MYO16: variants seen among roughly 807,000 people sequenced by gnomAD.
The protein encoded by MYO16 is myosin XVI.
Under a neutral mutation model 205.3 loss-of-function variants are expected in MYO16, and 94 were observed. That is an observed-to-expected ratio of 0.46 (90% CI 0.39 to 0.54). The LOEUF is 0.54. Ranked by LOEUF, MYO16 falls within the 20% of genes least tolerant of loss-of-function variation. MYO16 has a pLI of 0.00. For missense variants in MYO16, 2,315 were observed against 2,387.5 expected, an observed-to-expected ratio of 0.97 and a Z score of 0.63; for synonymous variants, 988 against 954.0, an observed-to-expected ratio of 1.04 and a Z score of -0.66.
chr13:109,034,996 G>C (rs1232015381), intron 23 of MYO16, among the ~76,000 whole-genome samples: 2 of 152,168 alleles, frequency 1.3e-5, no homozygotes, highest in African/African-American at 4.8e-5. Context: ...TGGCCCATGA[G>C]TGTTTCTATA....
chr13:108,981,893 A>G (rs959616992), intron 20 of MYO16, among the ~76,000 whole-genome samples: 7 of 152,158 alleles, frequency 4.6e-5, no homozygotes, highest in Admixed American at 4.6e-4. Flanking sequence ...TCTCCATTTT[A>G]TGAGTGATTT....
intron 4 of MYO16, among the ~76,000 whole-genome samples, chr13:108,742,320 A>C (rs1163049575): frequency 6.6e-6 from 1 of 152,126 alleles, no homozygotes; most frequent in African/African-American, 2.4e-5. Flanking sequence ...TAAAAAATCT[A>C]ATATCAGAGA....
chr13:108,788,440 A>G (rs1384119870), intron 5 of MYO16, among the ~76,000 whole-genome samples: 4 of 152,322 alleles, frequency 2.6e-5, no homozygotes, highest in Middle Eastern at 3.4e-3. Context: ...GTGAGCCAGC[A>G]TGGAAAGAAA....
intron 4 of MYO16, among the ~76,000 whole-genome samples, chr13:108,777,570 G>A (rs1886162946): frequency 6.6e-6 from 1 of 152,132 alleles, no homozygotes; most frequent in Non-Finnish European, 1.5e-5. Context: ...CTAAGTGGCA[G>A]CAAACCTGGC....
chr13:108,555,496 G>A, the MYO16 span, among the ~76,000 whole-genome samples: 87 of 152,226 alleles, frequency 5.7e-4, 1 homozygote, highest in Non-Finnish European at 8.1e-4. Context: ...TCTGTTTTTC[G>A]TTGATGAGAA....
the MYO16 span, among the ~76,000 whole-genome samples, chr13:108,580,590 C>T: frequency 6.6e-6 from 1 of 152,154 alleles, no homozygotes; most frequent in Non-Finnish European, 1.5e-5. Flanking sequence ...TGTCTTTGTG[C>T]ACTCAGTTTA....
At chr13:108,636,356 TTTTTTTTTTTTTTTGTG>T (rs1386604324) in intron 1 of MYO16, among the ~76,000 whole-genome samples, 3 of 49,554 alleles carry the variant, frequency 6.1e-5, no homozygotes, top group African/African-American at 1.8e-4. Context: ...CTTTTTTTTT[TTTTTTTTTTTTTTTGTG>T]TGTGTGTGTG....
At chr13:108,862,256 A>C (rs1361225833) in intron 11 of MYO16, among the ~76,000 whole-genome samples, 2 of 152,172 alleles carry the variant, frequency 1.3e-5, no homozygotes, top group African/African-American at 4.8e-5. Context: ...GCTGAATTCT[A>C]GGGAAAGGAT....
At chr13:108,764,139 A>T (rs1412010913) in intron 4 of MYO16, among the ~76,000 whole-genome samples, 1 of 152,178 alleles carries the variant, frequency 6.6e-6, no homozygotes, top group Non-Finnish European at 1.5e-5. Context: ...CAGCCTCAGC[A>T]CAAACATGAA....
At chr13:108,666,384 A>T (rs1314920361) in intron 2 of MYO16, among the ~76,000 whole-genome samples, 3 of 148,522 alleles carry the variant, frequency 2.0e-5, no homozygotes, top group Non-Finnish European at 4.5e-5. Context: ...GTGAGATTGT[A>T]TTTTTTTTTT....
the MYO16 span, among the ~76,000 whole-genome samples, chr13:108,545,985 T>C: frequency 2.6e-5 from 4 of 152,224 alleles, no homozygotes; most frequent in African/African-American, 9.6e-5. Flanking sequence ...TCTATTCTAG[T>C]GACTTGCTGG....
chr13:108,705,858 A>G (rs763851041), intron 2 of MYO16, among the ~76,000 whole-genome samples: 1 of 152,224 alleles, frequency 6.6e-6, no homozygotes, highest in Non-Finnish European at 1.5e-5. Context: ...TCTTTCCACA[A>G]AGGAAAACCC....
chr13:108,510,467 T>TG, the MYO16 span, among the ~76,000 whole-genome samples: 1,072 of 119,546 alleles, frequency 9.0e-3, 52 homozygotes, highest in East Asian at 0.055. Flanking sequence ...AGCTGTTTTT[T>TG]TTTTTTTTTT....
chr13:108,574,063 G>C, the MYO16 span, among the ~76,000 whole-genome samples: 1 of 152,170 alleles, frequency 6.6e-6, no homozygotes, highest in Non-Finnish European at 1.5e-5. Context: ...ATGTTACCCA[G>C]GCTGGTCTCA....
At chr13:108,621,254 G>T (rs1341489208) in intron 1 of MYO16, among the ~76,000 whole-genome samples, 4 of 152,062 alleles carry the variant, frequency 2.6e-5, no homozygotes, top group African/African-American at 7.2e-5. Context: ...TAGGGTCTAG[G>T]TCTGATTCAT....
chr13:108,754,762 G>A (rs545590331), intron 4 of MYO16, among the ~76,000 whole-genome samples: 1 of 152,176 alleles, frequency 6.6e-6, no homozygotes, highest in South Asian at 2.1e-4. Flanking sequence ...TTCTGCCCCT[G>A]CATCCTCCAG....
chr13:108,982,214 C>T (rs1000781194), intron 20 of MYO16, among the ~76,000 whole-genome samples: 1 of 152,210 alleles, frequency 6.6e-6, no homozygotes, highest in Admixed American at 6.5e-5. Flanking sequence ...GAATTTTGCT[C>T]AATGAGTAGA....
chr13:109,073,552 A>C (rs566100488), intron 27 of MYO16, among the ~76,000 whole-genome samples: 10 of 152,310 alleles, frequency 6.6e-5, no homozygotes, highest in Admixed American at 4.6e-4. Flanking sequence ...CCTAAAACAC[A>C]TACAGAAATA....
chr13:108,814,011 T>C (rs1887373783), intron 7 of MYO16, among the ~76,000 whole-genome samples: 1 of 152,286 alleles, frequency 6.6e-6, no homozygotes, highest in Admixed American at 6.5e-5. Context: ...AACTTCCTTA[T>C]TTCACACATG....
Sources: allele counts gnomAD v4.1 joint callset (sites outside exome capture counted in the v4.1 genomes callset), GRCh38; gene constraint gnomAD v4.1.1; transcripts MANE v1.5; gene names NCBI Gene and HGNC (gene_info 2026-07-23, HGNC 2026-07-21).